PDE4D: variants seen among roughly 807,000 people sequenced by gnomAD.
The protein encoded by PDE4D is phosphodiesterase 4D.
Under a neutral mutation model 87.4 loss-of-function variants are expected in PDE4D, and 24 were observed. The observed-to-expected ratio is 0.27, with a 90% CI of 0.20 to 0.39. The LOEUF (loss-of-function observed/expected upper bound fraction) is 0.39, where lower values mean the gene tolerates loss of function less well. PDE4D is among the 10% of genes least tolerant of loss of function. The pLI, the probability that PDE4D is intolerant of heterozygous loss-of-function variation, is 1.00. For synonymous variants in PDE4D, 384 were observed against 383.2 expected (o/e 1.00, Z -0.02); for missense variants, 714 against 1,041.0 (o/e 0.69, Z 4.32).
At chr5:59,594,599 G>A (rs1221352662) in intron 1 of PDE4D, among the ~76,000 whole-genome samples, 1 of 152,052 alleles carries the variant, frequency 6.6e-6, no homozygotes, top group Non-Finnish European at 1.5e-5. Flanking sequence ...GGGATTACCA[G>A]GCATGAGCCA....
At chr5:60,219,891 T>C (rs1187383031) in intron 1 of PDE4D, among the ~76,000 whole-genome samples, 5 of 152,198 alleles carry the variant, frequency 3.3e-5, no homozygotes, top group Non-Finnish European at 4.4e-5. Context: ...CAGCTGACCT[T>C]TCTTTCATAG....
intron 5 of PDE4D, among the ~76,000 whole-genome samples, chr5:59,055,063 C>T (rs1267976041): frequency 2.6e-5 from 4 of 152,162 alleles, no homozygotes; most frequent in African/African-American, 9.7e-5. Flanking sequence ...AAAGCAGCGG[C>T]CACTCACTGA....
intron 1 of PDE4D, among the ~76,000 whole-genome samples, chr5:60,316,524 T>C (rs1385900541): frequency 1.3e-5 from 2 of 152,210 alleles, no homozygotes; most frequent in African/African-American, 2.4e-5. Context: ...AACACTATGT[T>C]GAGTAGGAGT....
At chr5:59,939,921 A>T (rs1012202800) in intron 3 of PDE4D, among the ~76,000 whole-genome samples, 2 of 152,218 alleles carry the variant, frequency 1.3e-5, no homozygotes, top group African/African-American at 4.8e-5. Flanking sequence ...AGCTTCTAAT[A>T]TAAAAACTCA....
chr5:59,599,404 ATTTT>A, intron 1 of PDE4D, among the ~76,000 whole-genome samples: 1 of 149,006 alleles, frequency 6.7e-6, no homozygotes, highest in Non-Finnish European at 1.5e-5. Context: ...TTATTTATTT[ATTTT>A]TTTTTTATTT....
chr5:60,091,366 T>C (rs1775090182), intron 2 of PDE4D, among the ~76,000 whole-genome samples: 1 of 152,160 alleles, frequency 6.6e-6, no homozygotes, highest in Non-Finnish European at 1.5e-5. Context: ...AAATGGCTAA[T>C]GAGTGTATTT....
intron 5 of PDE4D, among the ~76,000 whole-genome samples, chr5:59,110,471 A>T (rs756548656): frequency 3.3e-5 from 5 of 152,264 alleles, no homozygotes; most frequent in Non-Finnish European, 5.9e-5. Flanking sequence ...CACACAGCTA[A>T]CTGTTGATGA....
At chr5:59,669,631 T>C (rs1392053067) in intron 1 of PDE4D, among the ~76,000 whole-genome samples, 1 of 152,180 alleles carries the variant, frequency 6.6e-6, no homozygotes, top group Non-Finnish European at 1.5e-5. Context: ...ATGGACTTGC[T>C]GAGAGTCCTA....
At chr5:59,272,488 C>T (rs1206540085) in intron 1 of PDE4D, among the ~76,000 whole-genome samples, 3 of 152,094 alleles carry the variant, frequency 2.0e-5, no homozygotes, top group Admixed American at 1.3e-4. Flanking sequence ...GCTTTATGAG[C>T]ATAAGAAAAT....
In PDE4D at chr5:59,035,658, T is replaced by C. The variant is rs115714954; in HGVS notation, c.921+3201A>G. 9.2e-3 allele frequency among the ~76,000 whole-genome samples: 1,398 copies of C among 152,326 alleles called. 17 individuals carry two copies. Among genetic ancestry groups the C allele is most frequent in the African/African-American group, 0.032 (1,330 of 41,556 alleles). ...TTCAAGATAGTTATTATGGTGCCCA[T>C]TGTATGCTAAGGAAACTGAAGCTAA... On this transcript the variant is annotated intron_variant, in intron 6 of 14. Coordinates refer to ENST00000340635, the MANE Select transcript of PDE4D (RefSeq NM_001104631.2).
chr5:60,357,817 A>G (rs976099562), intron 1 of PDE4D, among the ~76,000 whole-genome samples: 2 of 152,194 alleles, frequency 1.3e-5, no homozygotes, highest in East Asian at 3.9e-4. Flanking sequence ...TAATAATAAT[A>G]TGTTTTTATT....
intron 2 of PDE4D, among the ~76,000 whole-genome samples, chr5:60,129,289 T>C (rs1190175760): frequency 2.6e-5 from 4 of 152,232 alleles, no homozygotes; most frequent in African/African-American, 9.6e-5. Flanking sequence ...TCATAACTTC[T>C]TCTTTAAGTC....
intron 2 of PDE4D, among the ~76,000 whole-genome samples, chr5:60,005,754 A>C (rs1561970162): frequency 6.6e-6 from 1 of 152,062 alleles, no homozygotes; most frequent in Non-Finnish European, 1.5e-5. Context: ...TTCAAAGGAC[A>C]GGTTGAACAA....
intron 1 of PDE4D, among the ~76,000 whole-genome samples, chr5:60,322,400 ACACACACAC>A (rs1562323083): frequency 4.0e-5 from 6 of 149,684 alleles, no homozygotes; most frequent in East Asian, 2.1e-4. Context: ...ACACACACAC[ACACACACAC>A]ACACACAAAA....
In PDE4D at chr5:59,244,581, CAT is replaced by C. The variant is rs550701068; in HGVS notation, c.456-28615_456-28614del. 4.3e-3 allele frequency among the ~76,000 whole-genome samples: 643 copies of C among 148,060 alleles called. 4 individuals carry two copies. Among genetic ancestry groups the C allele is most frequent in the African/African-American group, 7.0e-3 (281 of 40,118 alleles). ...ATACGTGTACACACATATGTATACA[CAT>C]ATATATATACATATATACACATATA... On this transcript the variant is annotated intron_variant, in intron 1 of 14. Coordinates refer to ENST00000340635, the MANE Select transcript of PDE4D (RefSeq NM_001104631.2).
At chr5:59,630,927 T>C (rs1213685320) in intron 1 of PDE4D, among the ~76,000 whole-genome samples, 1 of 152,132 alleles carries the variant, frequency 6.6e-6, no homozygotes, top group African/African-American at 2.4e-5. Context: ...CGGTTTTTTT[T>C]CCCTAGAAAA....
At chr5:59,370,429 C>T (rs1006647472) in intron 1 of PDE4D, among the ~76,000 whole-genome samples, 11 of 152,172 alleles carry the variant, frequency 7.2e-5, no homozygotes, top group Admixed American at 1.3e-4. Flanking sequence ...TCCTAAGGAG[C>T]TTTGCACTTG....
At chr5:60,161,153 C>G (rs1782443933) in intron 2 of PDE4D, among the ~76,000 whole-genome samples, 1 of 152,124 alleles carries the variant, frequency 6.6e-6, no homozygotes, top group African/African-American at 2.4e-5. Flanking sequence ...CGCAATAACT[C>G]TCATGGCTCC....
chr5:59,133,141 T>A (rs1320964303), intron 5 of PDE4D, among the ~76,000 whole-genome samples: 1 of 152,144 alleles, frequency 6.6e-6, no homozygotes, highest in Non-Finnish European at 1.5e-5. Flanking sequence ...GAAAATGCTG[T>A]CACATGCATG....
Sources: allele counts gnomAD v4.1 joint callset (sites outside exome capture counted in the v4.1 genomes callset), GRCh38; gene constraint gnomAD v4.1.1; transcripts MANE v1.5; gene names NCBI Gene and HGNC (gene_info 2026-07-23, HGNC 2026-07-21).